The following CACNA1D variants were observed in gnomAD, a reference collection of about 807,000 sequenced individuals.
The protein encoded by CACNA1D is calcium voltage-gated channel subunit alpha1 D.
Under a neutral mutation model 257.1 loss-of-function variants are expected in CACNA1D, and 55 were observed. The observed-to-expected ratio is 0.21, with a 90% confidence interval of 0.17 to 0.27. The LOEUF (loss-of-function observed/expected upper bound fraction) is 0.27, where lower values mean the gene tolerates loss of function less well. Among genes scored for constraint, CACNA1D ranks in the 10% least tolerant of loss-of-function variants. The pLI, the probability that CACNA1D is intolerant of heterozygous loss-of-function variation, is 1.00. For synonymous variants in CACNA1D, 980 were observed against 1,014.9 expected, an observed-to-expected ratio of 0.97 and a Z score of 0.65; for missense variants, 1,876 against 2,784.0, an observed-to-expected ratio of 0.67 and a Z score of 7.34.
In CACNA1D at chr3:53,495,314, G is replaced by T. The variant is rs1180856470; in HGVS notation, c.67+81G>T. ...CAGCCCCCTCCCCCTTCCCCGCGGC[G>T]CTGGATGGGTTGAGGGGGTTGGAGA... On this transcript the variant is annotated intron_variant, in intron 1 of 47. Transcript: ENST00000350061. This position sits in a 1 kb window ranked among gnomAD's most constrained non-coding sequence, Gnocchi z 5.1. 5 of 1,563,328 alleles carry T rather than the reference G, an allele frequency of 3.2e-6. No individual in the cohort carries two copies. Among genetic ancestry groups the T allele is most frequent in the South Asian group, 1.1e-5 (1 of 89,926 alleles).
At position 53,642,926 on chromosome 3, in the gene CACNA1D, G is replaced by A. The variant is rs1031362463; in HGVS notation, c.484-7853G>A. On this transcript the variant is annotated intron_variant, in intron 3 of 47. Coordinates refer to ENST00000350061, the MANE Select transcript of CACNA1D (RefSeq NM_001128840.3). ...CCTTAGTCAGGGCGAGCCTTCCATT[G>A]TGAGGTGCTTTATAGTTTGCACAGC... Among the ~76,000 whole-genome samples, 7 of 152,314 alleles carry A rather than the reference G, an allele frequency of 4.6e-5. No homozygotes were observed. In the East Asian group the frequency reaches 1.4e-3, roughly 29 times the overall value.
At position 53,801,390 on chromosome 3, in the gene CACNA1D, T is replaced by C. The variant is rs1576714059; in HGVS notation, c.5373T>C (p.His1791=). The C allele has an allele frequency of 6.2e-7, 1 of 1,614,194 alleles. No homozygotes were observed. Residue 1791 remains histidine (H), a synonymous_variant, in exon 42 of 48, where the codon CAT becomes CAC. Transcript: ENST00000350061. Reference sequence around the variant, plus strand: ...ATGGGCATCATTCTTCCCACAAGCATGACCGGGAGCCTCAGAGAAGGTCCA... The same window carrying C: ...ATGGGCATCATTCTTCCCACAAGCACGACCGGGAGCCTCAGAGAAGGTCCA... ...SENGHHSSHK[H]DREPQRRSSV...
At chr3:53,753,270 C>T (rs772478945) in intron 28 of CACNA1D, among the ~76,000 whole-genome samples, 7 of 152,226 alleles carry the variant, frequency 4.6e-5, no homozygotes, top group Non-Finnish European at 1.0e-4. Flanking sequence ...CTGCATTGTG[C>T]TCTGGTCAAG....
intron 25 of CACNA1D, among the ~76,000 whole-genome samples, chr3:53,746,635 C>T (rs1380612): frequency 0.47 from 71,656 of 151,964 alleles, 17,624 homozygotes; most frequent in East Asian, 0.85. Context: ...TTGGCTGTGT[C>T]TCTGCACCTC....
At chr3:53,604,188 C>G (rs1202697462) in intron 3 of CACNA1D, among the ~76,000 whole-genome samples, 1 of 152,120 alleles carries the variant, frequency 6.6e-6, no homozygotes, top group Non-Finnish European at 1.5e-5. Flanking sequence ...GATGGGTACT[C>G]TTAATTGTGT....
chr3:53,704,205 AG>A (rs2094659660), intron 9 of CACNA1D, among the ~76,000 whole-genome samples: 1 of 151,888 alleles, frequency 6.6e-6, no homozygotes, highest in African/African-American at 2.4e-5. Flanking sequence ...CCTGGTGGAG[AG>A]GCTTCTTGAC....
intron 7 of CACNA1D, among the ~76,000 whole-genome samples, chr3:53,670,637 A>C (rs972650284): frequency 1.1e-4 from 17 of 152,188 alleles, no homozygotes; most frequent in Non-Finnish European, 2.4e-4. Flanking sequence ...GAGCTGCTGC[A>C]CCCGGCCCAT....
chr3:53,660,566 T>C (rs2094193439), intron 5 of CACNA1D, among the ~76,000 whole-genome samples: 1 of 152,188 alleles, frequency 6.6e-6, no homozygotes, highest in Non-Finnish European at 1.5e-5. Context: ...GGCCTTTAAT[T>C]CCAGTCTATT....
Position 53,751,380 on chromosome 3 carries a change from G to T in CACNA1D, c.3517-369G>T. On this transcript the variant is annotated intron_variant, in intron 27 of 47. Transcript: ENST00000350061. This position sits in a 1 kb window ranked among gnomAD's most constrained non-coding sequence, Gnocchi z 4.3. ...ATAGATCCCCCGTATGTGTGATAAA[G>T]AGGAAAGGCAGTGATAAGGCCTGGA... 6.6e-6 allele frequency among the ~76,000 whole-genome samples: 1 copy of T among 152,238 alleles called. No individual in the cohort carries two copies. The highest frequency in any genetic ancestry group is 1.9e-4 in the East Asian group (1 of 5,196).
At chr3:53,721,967 T>C (rs1482968994) in intron 11 of CACNA1D, among the ~76,000 whole-genome samples, 1 of 152,256 alleles carries the variant, frequency 6.6e-6, no homozygotes, top group Non-Finnish European at 1.5e-5. Context: ...ACTGCATATG[T>C]GTGCAAGTGT....
At chr3:53,676,966 T>C (rs1350488605) in intron 8 of CACNA1D, among the ~76,000 whole-genome samples, 1 of 152,218 alleles carries the variant, frequency 6.6e-6, no homozygotes, top group Non-Finnish European at 1.5e-5. Flanking sequence ...GAGGATATGC[T>C]CCCATTATGA....
intron 30 of CACNA1D, chr3:53,762,722 A>G (rs888778090): frequency 4.8e-6 from 2 of 415,046 alleles, no homozygotes; most frequent in Admixed American, 5.6e-5. Context: ...TTAAATCTCC[A>G]CACACTTTAG....
In CACNA1D at chr3:53,790,862, A is replaced by G. The variant is rs1261875096; in HGVS notation, c.4923+3910A>G. ...TGGAGTTTTGTTTTGTTATTTTTTT[A>G]AAGCATGATTCTACCTGAAGCCATC... On this transcript the variant is annotated intron_variant, in intron 40 of 47. Coordinates refer to ENST00000350061, the MANE Select transcript of CACNA1D (RefSeq NM_001128840.3). 5 of 649,852 alleles carry G rather than the reference A, an allele frequency of 7.7e-6. No individual in the cohort carries two copies. The East Asian group carries it at 1.4e-4, about 18-fold the overall frequency. The allele number at this position is 649,852 out of a possible 1,614,324, so 40.3% of individuals were successfully genotyped here.
chr3:53,737,648 C>T (rs2095071592), intron 20 of CACNA1D, among the ~76,000 whole-genome samples: 1 of 152,182 alleles, frequency 6.6e-6, no homozygotes, highest in Admixed American at 6.5e-5. Flanking sequence ...CATGGCGAAA[C>T]CCCATCTCTA....
At chr3:53,698,219 A>G (rs866864609) in intron 8 of CACNA1D, among the ~76,000 whole-genome samples, 4 of 152,346 alleles carry the variant, frequency 2.6e-5, no homozygotes, top group Middle Eastern at 6.8e-3. Flanking sequence ...GCCTGTCCCC[A>G]GAGGGTTCTT....
chr3:53,751,684 A>T lies in CACNA1D; in HGVS notation c.3517-65A>T, dbSNP rs1213975382. 4 of 1,550,000 alleles carry T rather than the reference A, an allele frequency of 2.6e-6. No homozygotes were observed. The highest frequency in any genetic ancestry group is 3.6e-6 in the Non-Finnish European group (4 of 1,122,520). On this transcript the variant is annotated intron_variant, in intron 27 of 47. Transcript: ENST00000350061. The surrounding 1 kb of genome is among the most constrained non-coding windows in gnomAD (Gnocchi z 4.3). ...AGGGTGAGCTCTTTCAGAGCAGATGACCACGGGGTCCTCCTTCCCTGCAAG... is the reference window on the plus strand; with the variant it reads ...AGGGTGAGCTCTTTCAGAGCAGATGTCCACGGGGTCCTCCTTCCCTGCAAG...
chr3:53,772,171 G>T (rs1158354547), intron 32 of CACNA1D, among the ~76,000 whole-genome samples: 1 of 152,232 alleles, frequency 6.6e-6, no homozygotes, highest in East Asian at 1.9e-4. Context: ...TTTATGAAGG[G>T]AGCCACACTT....
chr3:53,520,538 G>A (rs1047687320), intron 3 of CACNA1D, among the ~76,000 whole-genome samples: 6 of 152,232 alleles, frequency 3.9e-5, no homozygotes, highest in Non-Finnish European at 2.9e-5. Flanking sequence ...GGCCAAGGCG[G>A]GTCGGTCACC....
intron 3 of CACNA1D, among the ~76,000 whole-genome samples, chr3:53,589,762 A>G (rs944775624): frequency 5.3e-5 from 8 of 152,156 alleles, no homozygotes; most frequent in Non-Finnish European, 8.8e-5. Flanking sequence ...GGCATGTGCC[A>G]TTGTGCCTGG....
Sources: gnomAD v4.1 joint callset for allele counts (sites outside exome capture counted in the v4.1 genomes callset) on GRCh38, gnomAD v4.1.1 for gene constraint, Gnocchi (gnomAD v3.1) non-coding constraint, MANE v1.5 for transcripts, NCBI Gene and HGNC (gene_info 2026-07-23, HGNC 2026-07-21) for gene names.